BDNF: variants seen among roughly 807,000 people sequenced by gnomAD.
BDNF encodes neurotrophic factor BDNF precursor form.
Under a neutral mutation model 19.5 loss-of-function variants are expected in BDNF, and 1 was observed. The ratio of observed to expected loss-of-function variants is 0.05; its 90% confidence interval spans 0.02 to 0.24. BDNF has a LOEUF of 0.24. Among genes scored for constraint, BDNF ranks in the 10% least tolerant of loss-of-function variants. The probability of loss-of-function intolerance (pLI) is 1.00; values close to 1 mark genes in which losing one functional copy is unlikely to be tolerated. For missense variants in BDNF, 195 were observed against 317.6 expected, an observed-to-expected ratio of 0.61 and a Z score of 2.93; for synonymous variants, 100 against 121.6, an observed-to-expected ratio of 0.82 and a Z score of 1.17.
At chr11:27,695,980 T>C (rs1326654963) in intron 1 of BDNF, among the ~76,000 whole-genome samples, 1 of 152,120 alleles carries the variant, frequency 6.6e-6, no homozygotes, top group Non-Finnish European at 1.5e-5. Flanking sequence ...CCTGTTCCAC[T>C]TAAAGAACAC....
At chr11:27,669,289 C>T (rs1335485810) in intron 1 of BDNF, among the ~76,000 whole-genome samples, 2 of 152,216 alleles carry the variant, frequency 1.3e-5, no homozygotes, top group Non-Finnish European at 2.9e-5. Flanking sequence ...GACAAACCCA[C>T]AGCCAATGTC....
intron 1 of BDNF, among the ~76,000 whole-genome samples, chr11:27,709,304 G>C (rs979728362): frequency 6.6e-6 from 1 of 152,048 alleles, no homozygotes; most frequent in Non-Finnish European, 1.5e-5. Context: ...TAATAATATA[G>C]GAATCAATGA....
At chr11:27,716,116 A>T (rs1274825043) in intron 1 of BDNF, among the ~76,000 whole-genome samples, 1 of 152,208 alleles carries the variant, frequency 6.6e-6, no homozygotes, top group Non-Finnish European at 1.5e-5. Context: ...TCTTTATGAA[A>T]CACGTGTATC....
chr11:27,698,377 AT>A (rs1252568800), intron 1 of BDNF, among the ~76,000 whole-genome samples: 3 of 152,058 alleles, frequency 2.0e-5, no homozygotes, highest in South Asian at 4.1e-4. Flanking sequence ...TATGTTACCT[AT>A]TATGTGTAAT....
chr11:27,678,015 T>G (rs758362329), intron 1 of BDNF, among the ~76,000 whole-genome samples: 31 of 152,174 alleles, frequency 2.0e-4, no homozygotes, highest in Non-Finnish European at 3.5e-4. Context: ...GAATAGTCCC[T>G]GGGACCGGGG....
At chr11:27,721,996 G>A (rs1374222232) in exon 1 of BDNF, 1 of 153,510 alleles carries the variant, frequency 6.5e-6, no homozygotes, top group Non-Finnish European at 1.5e-5. Context: ...TGTCAGGCTA[G>A]GGCGGGAAGA....
At chr11:27,696,076 A>G (rs575240920) in intron 1 of BDNF, among the ~76,000 whole-genome samples, 1 of 152,314 alleles carries the variant, frequency 6.6e-6, no homozygotes, top group Admixed American at 6.5e-5. Flanking sequence ...TCTGCCATCA[A>G]TAATGATTCC....
intron 1 of BDNF, chr11:27,699,759 G>T: frequency 7.9e-7 from 1 of 1,271,092 alleles, no homozygotes; most frequent in Non-Finnish European, 1.0e-6. Flanking sequence ...CCCCTGGAAG[G>T]ATTCCTAGCC....
intron 1 of BDNF, among the ~76,000 whole-genome samples, chr11:27,693,597 G>C (rs1043018426): frequency 2.0e-5 from 3 of 152,124 alleles, no homozygotes; most frequent in Non-Finnish European, 4.4e-5. Flanking sequence ...GAATACCTTC[G>C]AGAGTTTGGC....
chr11:27,699,278 TCTTC>T, intron 1 of BDNF: 1 of 1,514,016 alleles, frequency 6.6e-7, no homozygotes, highest in Non-Finnish European at 9.2e-7. Flanking sequence ...CCCCGAGGCT[TCTTC>T]CTTAGGGATG....
At chr11:27,680,439 A>G (rs1025381870) in intron 1 of BDNF, among the ~76,000 whole-genome samples, 2 of 152,238 alleles carry the variant, frequency 1.3e-5, no homozygotes, top group Non-Finnish European at 2.9e-5. Flanking sequence ...AGAGTTCAAC[A>G]TTAGCGAGCC....
intron 1 of BDNF, among the ~76,000 whole-genome samples, chr11:27,708,689 G>C (rs1161892472): frequency 6.6e-6 from 1 of 151,906 alleles, no homozygotes; most frequent in African/African-American, 2.4e-5. Context: ...ATTATATGAG[G>C]AACAAAGAAA....
intron 1 of BDNF, among the ~76,000 whole-genome samples, chr11:27,671,111 A>T (rs1855291110): frequency 6.6e-6 from 1 of 152,096 alleles, no homozygotes; most frequent in African/African-American, 2.4e-5. Flanking sequence ...GAACAATGAG[A>T]ACACTTGGAC....
chr11:27,671,792 C>T (rs1383235796), intron 1 of BDNF, among the ~76,000 whole-genome samples: 2 of 151,962 alleles, frequency 1.3e-5, no homozygotes, highest in African/African-American at 4.8e-5. Context: ...TCTCAACTTC[C>T]CCACCCTCAT....
In BDNF at chr11:27,656,486, T is replaced by G; in HGVS notation, c.*1335A>C. 1 of 959,628 alleles carries G rather than the reference T, an allele frequency of 1.0e-6. No homozygotes were observed. Among genetic ancestry groups the G allele is most frequent in the Non-Finnish European group, 1.2e-6 (1 of 806,250 alleles). 59.4% of individuals were successfully genotyped at this position (959,628 alleles called of 1,614,324 possible). A position where few individuals can be genotyped will look rare whatever the true frequency, so the allele number is the denominator to read the frequency against. ...CCTCTGAAGGGTCCTTCAGAGGCCT[T>G]CGTTTTGGAATGTCTCAAATACCAT... On this transcript the variant is annotated 3_prime_UTR_variant, in exon 2 of 2. Coordinates refer to ENST00000356660, the MANE Select transcript of BDNF (RefSeq NM_001709.5).
rs199639968 is a variant in BDNF at position 27,673,190 on chromosome 11, A to C, written c.-21-14605T>G. Among the ~76,000 whole-genome samples the C allele has an allele frequency of 3.2e-4, 48 of 152,058 alleles. 1 individual carries two copies. Among genetic ancestry groups the C allele is most frequent in the East Asian group, 9.7e-4 (5 of 5,148 alleles). On this transcript the variant is annotated intron_variant, in intron 1 of 1. Transcript: ENST00000356660. ...CACCTACTAATAGGAGATGTTGTGA[A>C]AGCCAGGTGGGGCTTTGTCTTTCAA...
intron 1 of BDNF, chr11:27,697,823 G>A (rs1377890165): frequency 6.6e-6 from 1 of 152,080 alleles, no homozygotes; most frequent in Non-Finnish European, 1.5e-5. Flanking sequence ...AGGCTCCAAA[G>A]GTATGTGAAA....
chr11:27,686,259 C>T (rs1857464392), intron 1 of BDNF, among the ~76,000 whole-genome samples: 1 of 152,132 alleles, frequency 6.6e-6, no homozygotes, highest in African/African-American at 2.4e-5. Context: ...GTAGATCTTC[C>T]TCCATCCCTT....
At chr11:27,687,653 C>G (rs557601497) in intron 1 of BDNF, among the ~76,000 whole-genome samples, 14 of 152,310 alleles carry the variant, frequency 9.2e-5, no homozygotes, top group Middle Eastern at 3.4e-3. Context: ...TTCCTTCTAA[C>G]AGTCAGGCCC....
Sources: gnomAD v4.1 joint callset for allele counts (sites outside exome capture counted in the v4.1 genomes callset) on GRCh38, gnomAD v4.1.1 for gene constraint, MANE v1.5 for transcripts, NCBI Gene and HGNC (gene_info 2026-07-23, HGNC 2026-07-21) for gene names.